Variants in SCMH1 observed in about 807,000 individuals in gnomAD.
The protein encoded by SCMH1 is Scm polycomb group protein homolog 1, also known as polycomb protein SCMH1.
In SCMH1, 37 loss-of-function variants were observed where a neutral mutation model predicts 70.8. The observed-to-expected ratio is 0.52, with a 90% confidence interval of 0.40 to 0.69. The LOEUF is 0.69. Among genes scored for constraint, SCMH1 ranks in the 30% least tolerant of loss-of-function variants. SCMH1 has a pLI of 0.00. For missense variants in SCMH1, 607 were observed against 827.3 expected, an observed-to-expected ratio of 0.73 and a Z score of 3.27; for synonymous variants, 292 against 307.4, an observed-to-expected ratio of 0.95 and a Z score of 0.52.
chr1:41,050,496 T>C (rs1647686921), intron 10 of SCMH1, among the ~76,000 whole-genome samples: 1 of 152,094 alleles, frequency 6.6e-6, no homozygotes, highest in Admixed American at 6.5e-5. Flanking sequence ...TAATTCTAAT[T>C]CTAAGGAGAA....
chr1:41,125,818 C>T (rs1415083267), intron 6 of SCMH1, among the ~76,000 whole-genome samples: 1 of 152,046 alleles, frequency 6.6e-6, no homozygotes, highest in African/African-American at 2.4e-5. Flanking sequence ...CTTAAGGGAT[C>T]CTCCTGCCTC....
chr1:41,236,625 C>T (rs1434744955), intron 1 of SCMH1, among the ~76,000 whole-genome samples: 2 of 152,092 alleles, frequency 1.3e-5, no homozygotes, highest in African/African-American at 2.4e-5. Flanking sequence ...GTTTCAGGGC[C>T]CCCCTCTGCC....
chr1:41,211,009 C>T (rs536936405), intron 1 of SCMH1, among the ~76,000 whole-genome samples: 10 of 152,176 alleles, frequency 6.6e-5, no homozygotes, highest in Non-Finnish European at 1.2e-4. Context: ...AAGCTTTCAC[C>T]GTGTTGGCCA....
chr1:41,183,586 T>C (rs1459600423), intron 2 of SCMH1, among the ~76,000 whole-genome samples: 1 of 148,582 alleles, frequency 6.7e-6, no homozygotes, highest in Non-Finnish European at 1.5e-5. Context: ...TGCCTGTCAG[T>C]GTCAGAGCTA....
At chr1:41,117,140 T>C (rs528763891) in intron 6 of SCMH1, 130 bp from the exon 7 acceptor site, 46 of 480,086 alleles carry the variant, frequency 9.6e-5, no homozygotes, top group African/African-American at 7.8e-4. Context: ...ATAAAATATA[T>C]AAAATAAGAA....
At chr1:41,087,968 T>TGTGTGTGTGTG (rs1553238484) in intron 8 of SCMH1, among the ~76,000 whole-genome samples, 12 of 17,990 alleles carry the variant, frequency 6.7e-4, no homozygotes, top group South Asian at 2.6e-3. Context: ...GTGTGTGTAT[T>TGTGTGTGTGTG]TATTTATGCA....
intron 6 of SCMH1, among the ~76,000 whole-genome samples, chr1:41,122,896 A>C (rs1428600699): frequency 6.6e-6 from 1 of 152,164 alleles, no homozygotes; most frequent in Non-Finnish European, 1.5e-5. Flanking sequence ...CATCTCTTTA[A>C]ACTGGCCAGC....
At chr1:41,047,104 A>G (rs1646962921) in intron 11 of SCMH1, among the ~76,000 whole-genome samples, 1 of 152,186 alleles carries the variant, frequency 6.6e-6, no homozygotes, top group South Asian at 2.1e-4. Context: ...TTTACTTCCT[A>G]TCATCTTTTT....
intron 2 of SCMH1, among the ~76,000 whole-genome samples, chr1:41,179,735 G>GA (rs1648150063): frequency 6.6e-6 from 1 of 151,892 alleles, no homozygotes; most frequent in Non-Finnish European, 1.5e-5. Context: ...GCTTACCAAC[G>GA]AAAAAAAGTC....
intron 6 of SCMH1, among the ~76,000 whole-genome samples, chr1:41,135,444 T>C (rs1421380595): frequency 1.3e-5 from 2 of 152,170 alleles, no homozygotes; most frequent in Non-Finnish European, 2.9e-5. Context: ...CAAGATCTGA[T>C]GGTTTTATAA....
intron 10 of SCMH1, among the ~76,000 whole-genome samples, chr1:41,067,971 T>C (rs1655238221): frequency 6.6e-6 from 1 of 152,106 alleles, no homozygotes; most frequent in Non-Finnish European, 1.5e-5. Context: ...CTCTAAAAAA[T>C]AAAAGTCTAT....
chr1:41,121,431 T>C (rs960580377), intron 6 of SCMH1, among the ~76,000 whole-genome samples: 1 of 152,150 alleles, frequency 6.6e-6, no homozygotes, highest in Admixed American at 6.5e-5. Context: ...GTAAGAAGGG[T>C]TGGAGTCATA....
At chr1:41,118,007 T>G (rs1324152932) in intron 6 of SCMH1, among the ~76,000 whole-genome samples, 1 of 152,140 alleles carries the variant, frequency 6.6e-6, no homozygotes, top group Non-Finnish European at 1.5e-5. Flanking sequence ...TCTTTATTTC[T>G]ACACTCTCTT....
chr1:41,221,893 CAAAAAAAAAAAAAAAAAAA>C (rs34257855), intron 1 of SCMH1, among the ~76,000 whole-genome samples: 1 of 45,020 alleles, frequency 2.2e-5, no homozygotes, highest in Admixed American at 4.4e-4. Flanking sequence ...GACTCCGTCT[CAAAAAAAAAAAAAAAAAAA>C]AAAAAAAAAA....
chr1:41,040,497 T>C (rs2148618627), intron 12 of SCMH1, among the ~76,000 whole-genome samples: 1 of 151,880 alleles, frequency 6.6e-6, no homozygotes, highest in African/African-American at 2.4e-5. Context: ...AGATTGGAGG[T>C]AGATTTGCTC....
At position 41,037,642 on chromosome 1, in the gene SCMH1, C is replaced by A. The variant is rs1645493002; in HGVS notation, c.1499-101G>T. 3 of 1,073,968 alleles carry A rather than the reference C, an allele frequency of 2.8e-6. No individual in the cohort carries two copies. The East Asian group carries it at 7.2e-5, about 26-fold the overall frequency. The allele number at this position is 1,073,968 out of a possible 1,614,324, so 66.5% of individuals were successfully genotyped here. On this transcript the variant is annotated intron_variant, in intron 12 of 14. Coordinates refer to ENST00000337495, the Ensembl canonical transcript of SCMH1. ...GAGCAAGCAGCAACAACAGAGAAAG[C>A]CCTGGGCAGGGACTCAGGAGGCCTG...
At chr1:41,209,420 A>G (rs925493909) in intron 1 of SCMH1, among the ~76,000 whole-genome samples, 3 of 152,160 alleles carry the variant, frequency 2.0e-5, no homozygotes, top group African/African-American at 4.8e-5. Context: ...CAAAAAAAGA[A>G]AATTTTAGAC....
In SCMH1 at chr1:41,240,063, T is replaced by C. The variant is rs1344853271; in HGVS notation, c.-118+1996A>G. Among the ~76,000 whole-genome samples, 4 of 152,254 alleles carry C rather than the reference T, an allele frequency of 2.6e-5. No homozygotes were observed. The East Asian group carries it at 7.7e-4, about 29-fold the overall frequency. ...TTCCTCTGGATCTGTATAGTTCCAT[T>C]GAGAATGGTGCTATGCAAATGTTTA... is the stretch of plus-strand genomic sequence containing the variant. On this transcript the variant is annotated intron_variant, in intron 1 of 14. Coordinates refer to ENST00000337495, the Ensembl canonical transcript of SCMH1.
rs12043126 is a variant in SCMH1 at position 41,064,880 on chromosome 1, A to G, written c.1105+5715T>C. Among the ~76,000 whole-genome samples the G allele has an allele frequency of 3.1e-4, 47 of 152,166 alleles. No individual in the cohort carries two copies. In the East Asian group the frequency reaches 7.8e-3, roughly 25 times the overall value. ...CGGAGAGCTGTGATCACACCACTGC[A>G]CTCCAGCCTGGGCAACACAGCAAGA... is the stretch of plus-strand genomic sequence containing the variant. On this transcript the variant is annotated intron_variant, in intron 10 of 14. Transcript: ENST00000337495.
Sources: allele counts gnomAD v4.1 joint callset (sites outside exome capture counted in the v4.1 genomes callset), GRCh38; gene constraint gnomAD v4.1.1; transcripts MANE v1.5; gene names NCBI Gene and HGNC (gene_info 2026-07-23, HGNC 2026-07-21).